Variants in ANO4 observed in about 807,000 individuals in gnomAD.
ANO4 encodes anoctamin-4.
ANO4 carries 69 observed loss-of-function variants against 141.9 expected under a neutral mutation model. The ratio of observed to expected loss-of-function variants is 0.49; its 90% CI spans 0.40 to 0.59. ANO4 has a LOEUF of 0.59. Among genes scored for constraint, ANO4 ranks in the 20% least tolerant of loss-of-function variants. The pLI, the probability that ANO4 is intolerant of heterozygous loss-of-function variation, is 0.00. For synonymous variants in ANO4, 350 were observed against 394.3 expected (o/e 0.89, Z 1.33); for missense variants, 894 against 1,162.2 (o/e 0.77, Z 3.36).
chr12:100,958,576 A>G (rs1250925213), intron 5 of ANO4, among the ~76,000 whole-genome samples: 2 of 152,170 alleles, frequency 1.3e-5, no homozygotes, highest in Non-Finnish European at 2.9e-5. Flanking sequence ...GGCCAGGTGC[A>G]GTGGCTCATG....
intron 7 of ANO4, among the ~76,000 whole-genome samples, chr12:100,981,915 C>A (rs2044480632): frequency 6.6e-6 from 1 of 152,112 alleles, no homozygotes; most frequent in African/African-American, 2.4e-5. Context: ...GCTGAGGGAA[C>A]TGAGGGTCAA....
chr12:101,082,237 T>A (rs1482829094), intron 15 of ANO4, among the ~76,000 whole-genome samples: 1 of 152,190 alleles, frequency 6.6e-6, no homozygotes, highest in African/African-American at 2.4e-5. Context: ...GGACATCCCC[T>A]GCACATGGTC....
intron 1 of ANO4, among the ~76,000 whole-genome samples, chr12:100,811,529 A>G (rs1327120258): frequency 6.6e-6 from 1 of 152,150 alleles, no homozygotes; most frequent in African/African-American, 2.4e-5. Context: ...GGCTGCTTAT[A>G]AGGATTCAGA....
intron 3 of ANO4, among the ~76,000 whole-genome samples, chr12:100,766,292 C>CTTAGT (rs77456684): frequency 0.21 from 32,438 of 151,752 alleles, 3,923 homozygotes; most frequent in African/African-American, 0.32. Flanking sequence ...TGACTTTGGG[C>CTTAGT]TTAGTCTTCT....
chr12:101,121,181 G>A (rs552025382), intron 26 of ANO4, among the ~76,000 whole-genome samples: 11 of 152,164 alleles, frequency 7.2e-5, no homozygotes, highest in African/African-American at 1.9e-4. Flanking sequence ...CCCAGGTAGC[G>A]AGCATAGTAT....
chr12:100,884,180 A>C (rs2039707242), intron 1 of ANO4, among the ~76,000 whole-genome samples: 1 of 152,264 alleles, frequency 6.6e-6, no homozygotes, highest in Non-Finnish European at 1.5e-5. Context: ...CTATAGAGGC[A>C]CATTATATGG....
chr12:100,964,207 G>A (rs1480526304), intron 5 of ANO4, among the ~76,000 whole-genome samples: 1 of 152,098 alleles, frequency 6.6e-6, no homozygotes, highest in Non-Finnish European at 1.5e-5. Flanking sequence ...CTTTCTTCTT[G>A]TGAAACAGCA....
Position 100,955,619 on chromosome 12 carries a change from G to GA in ANO4, c.456+13088dup, listed in dbSNP as rs556010930. Among the ~76,000 whole-genome samples, 8 of 152,286 alleles carry GA rather than the reference G, an allele frequency of 5.3e-5. No individual in the cohort carries two copies. The South Asian group carries it at 1.7e-3, about 32-fold the overall frequency. ...AACAGTAATGTTGGGGCCATCTTTG[G>GA]AAAATATAAGCTGCCACAATATGCT... On this transcript the variant is annotated intron_variant, in intron 5 of 27. Transcript: ENST00000392977.
chr12:100,933,768 C>G (rs1280262813), intron 3 of ANO4, among the ~76,000 whole-genome samples: 1 of 152,204 alleles, frequency 6.6e-6, no homozygotes, highest in Non-Finnish European at 1.5e-5. Context: ...CACATCCTCT[C>G]CAGCATCTGT....
chr12:100,825,561 T>C (rs973565270), intron 1 of ANO4, among the ~76,000 whole-genome samples: 7 of 152,042 alleles, frequency 4.6e-5, no homozygotes, highest in African/African-American at 1.4e-4. Context: ...TTGTGATAGA[T>C]AAGACATAAC....
intron 1 of ANO4, among the ~76,000 whole-genome samples, chr12:100,884,185 A>G (rs182741414): frequency 5.2e-5 from 8 of 152,386 alleles, no homozygotes; most frequent in Non-Finnish European, 2.9e-5. Context: ...GAGGCACATT[A>G]TATGGCTAAA....
intron 1 of ANO4, among the ~76,000 whole-genome samples, chr12:100,842,003 G>A (rs1268120643): frequency 7.3e-6 from 1 of 137,464 alleles, no homozygotes; most frequent in African/African-American, 2.8e-5. Context: ...ACTGGCACAT[G>A]TCTCAGCCAA....
At chr12:100,795,780 G>C (rs1394853274) in intron 1 of ANO4, among the ~76,000 whole-genome samples, 1 of 152,182 alleles carries the variant, frequency 6.6e-6, no homozygotes, top group African/African-American at 2.4e-5. Context: ...AATACTTTGA[G>C]GTTATTAGAA....
intron 2 of ANO4, among the ~76,000 whole-genome samples, chr12:100,734,742 A>G (rs1028630189): frequency 6.6e-6 from 1 of 152,202 alleles, no homozygotes; most frequent in Non-Finnish European, 1.5e-5. Flanking sequence ...AACTCCAGCA[A>G]TGTGGATGCC....
At position 100,997,331 on chromosome 12, in the gene ANO4, C is replaced by CAAAAA. The variant is rs34066695; in HGVS notation, c.734+9677_734+9681dup. On this transcript the variant is annotated intron_variant, in intron 8 of 27. Transcript: ENST00000392977. Reference sequence around the variant, plus strand: ...CCTGGGACAGAGCGAGACTCTGTCTCAAAAAAAAAAAAAAAAAAAAGTGTC... The same window carrying CAAAAA: ...CCTGGGACAGAGCGAGACTCTGTCTCAAAAAAAAAAAAAAAAAAAAAAAAAGTGTC... Among the ~76,000 whole-genome samples, 17 of 75,880 alleles carry CAAAAA rather than the reference C, an allele frequency of 2.2e-4. 1 individual carries two copies. The highest frequency in any genetic ancestry group is 1.0e-3 in the South Asian group (2 of 1,954). The allele number at this position is 75,880 out of a possible 152,430, so 49.8% of individuals were successfully genotyped here. A position where few individuals can be genotyped will look rare whatever the true frequency, so the allele number is the denominator to read the frequency against.
At chr12:100,763,300 G>A (rs540355660) in intron 3 of ANO4, among the ~76,000 whole-genome samples, 55 of 152,200 alleles carry the variant, frequency 3.6e-4, no homozygotes, top group Non-Finnish European at 7.3e-4. Flanking sequence ...CACCCCAGGA[G>A]CCAGTGGGTA....
intron 2 of ANO4, among the ~76,000 whole-genome samples, chr12:100,737,473 G>C (rs2135460579): frequency 6.6e-6 from 1 of 152,270 alleles, no homozygotes; most frequent in South Asian, 2.1e-4. Context: ...ATTGACAAGG[G>C]AGATGGCATT....
At chr12:100,752,614 G>C (rs2032431962) in intron 3 of ANO4, among the ~76,000 whole-genome samples, 1 of 152,144 alleles carries the variant, frequency 6.6e-6, no homozygotes, top group Non-Finnish European at 1.5e-5. Flanking sequence ...TTTAATGTGT[G>C]TGTGTGTGAG....
intron 2 of ANO4, among the ~76,000 whole-genome samples, chr12:100,908,493 G>GA (rs982247675): frequency 1.6e-4 from 24 of 151,952 alleles, no homozygotes; most frequent in African/African-American, 5.3e-4. Flanking sequence ...TTATAATTAA[G>GA]AAAAAAATAT....
Sources: allele counts gnomAD v4.1 joint callset (sites outside exome capture counted in the v4.1 genomes callset), GRCh38; gene constraint gnomAD v4.1.1; transcripts MANE v1.5; gene names NCBI Gene and HGNC (gene_info 2026-07-23, HGNC 2026-07-21).